The following ADAMTS9 variants were observed in gnomAD, a reference collection of about 807,000 sequenced individuals.
ADAMTS9 encodes the protein ADAM metallopeptidase with thrombospondin type 1 motif 9, also known as A disintegrin and metalloproteinase with thrombospondin motifs 9.
In ADAMTS9, 107 loss-of-function variants were observed where a neutral mutation model predicts 257.1. The ratio of observed to expected loss-of-function variants is 0.42; its 90% confidence interval spans 0.36 to 0.49. The LOEUF is 0.49. Ranked by LOEUF, ADAMTS9 falls within the 20% of genes least tolerant of loss-of-function variation. The pLI, the probability that ADAMTS9 is intolerant of heterozygous loss-of-function variation, is 0.03. For missense variants in ADAMTS9, 2,353 were observed against 2,469.1 expected, an observed-to-expected ratio of 0.95 and a Z score of 1.00; for synonymous variants, 982 against 880.9, an observed-to-expected ratio of 1.11 and a Z score of -2.03.
chr3:64,687,937 A>C lies in ADAMTS9; in HGVS notation c.-280T>G, dbSNP rs1701965354. 4 of 251,116 alleles carry C rather than the reference A, an allele frequency of 1.6e-5. No homozygotes were observed. The highest frequency in any genetic ancestry group is 2.3e-5 in the Non-Finnish European group (3 of 131,944). 15.6% of individuals were successfully genotyped at this position (251,116 alleles called of 1,614,324 possible). ...TGGGGCTCGGCTGCTTGGCCGCATA[A>C]TGCCCAGCGAGCGGGCAGGAGAAGG... On this transcript the variant is annotated 5_prime_UTR_variant, in exon 1 of 40. Transcript: ENST00000498707. The surrounding 1 kb of genome is among the most constrained non-coding windows in gnomAD (Gnocchi z 4.4).
intron 2 of ADAMTS9, among the ~76,000 whole-genome samples, chr3:64,685,658 C>T (rs1297632243): frequency 6.6e-6 from 1 of 152,192 alleles, no homozygotes; most frequent in Non-Finnish European, 1.5e-5. Flanking sequence ...GTCGGGGAAC[C>T]AACGTGGATT....
At chr3:64,591,335 G>A (rs1458253687) in intron 28 of ADAMTS9, among the ~76,000 whole-genome samples, 1 of 151,996 alleles carries the variant, frequency 6.6e-6, no homozygotes, top group Admixed American at 6.6e-5. Flanking sequence ...GGCTACTTGG[G>A]AGGCTGAGGC....
intron 10 of ADAMTS9, among the ~76,000 whole-genome samples, chr3:64,649,053 T>C (rs1700867365): frequency 6.6e-6 from 1 of 152,052 alleles, no homozygotes; most frequent in South Asian, 2.1e-4. Context: ...ACAGCTCTGC[T>C]CATCTGTAAC....
intron 16 of ADAMTS9, among the ~76,000 whole-genome samples, chr3:64,625,781 C>G (rs752072180): frequency 1.9e-4 from 29 of 152,118 alleles, no homozygotes; most frequent in Admixed American, 3.9e-4. Flanking sequence ...GCTCAAAATC[C>G]TTTGGAAGTC....
intron 3 of ADAMTS9, among the ~76,000 whole-genome samples, chr3:64,677,064 A>T (rs575526384): frequency 1.3e-5 from 2 of 152,290 alleles, no homozygotes; most frequent in East Asian, 3.9e-4. Flanking sequence ...GGAAACAAGC[A>T]ATGGGAAGGA....
chr3:64,687,794 C>T lies in ADAMTS9; in HGVS notation c.-137G>A. ...GCCGCCAACTTTTGACTTTAGGAGT[C>T]GCTGAGGTCTCGCTGCGAGGGTCCC... On this transcript the variant is annotated 5_prime_UTR_variant, in exon 1 of 40. Coordinates refer to ENST00000498707, the MANE Select transcript of ADAMTS9 (RefSeq NM_182920.2). The surrounding 1 kb of genome is among the most constrained non-coding windows in gnomAD (Gnocchi z 4.4). The T allele has an allele frequency of 1.7e-6, 1 of 605,112 alleles. No individual in the cohort carries two copies. Among genetic ancestry groups the T allele is most frequent in the South Asian group, 2.7e-5 (1 of 36,882 alleles). 37.5% of individuals were successfully genotyped at this position (605,112 alleles called of 1,614,324 possible).
chr3:64,683,187 G>C (rs11130978), intron 2 of ADAMTS9, among the ~76,000 whole-genome samples: 18,340 of 152,168 alleles, frequency 0.12, 2,081 homozygotes, highest in African/African-American at 0.28. Context: ...AAGCCTATCA[G>C]AGACATGAGT....
intron 37 of ADAMTS9, among the ~76,000 whole-genome samples, chr3:64,537,088 G>C (rs2083061144): frequency 6.6e-6 from 1 of 152,162 alleles, no homozygotes; most frequent in African/African-American, 2.4e-5. Context: ...AGTGTAGCTG[G>C]TGCTCAATAT....
chr3:64,603,979 T>C lies in ADAMTS9; in HGVS notation c.3690A>G (p.Ala1230=). The part of the protein sequence containing the change: ...SACATLPRPV[A]KEECSVTPCG... ...AGGGTGTCACAGAACATTCTTCCTT[T>C]GCCACTGGTCTAGGCAGGGTAGCAC... The change falls in exon 25 of 40, where the codon GCA becomes GCG. Residue 1230 remains alanine (A), a synonymous_variant. Coordinates refer to ENST00000498707, the MANE Select transcript of ADAMTS9 (RefSeq NM_182920.2). 3 of 1,614,064 alleles carry C rather than the reference T, an allele frequency of 1.9e-6. No individual in the cohort carries two copies. Among genetic ancestry groups the C allele is most frequent in the Non-Finnish European group, 2.5e-6 (3 of 1,179,984 alleles).
At chr3:64,664,717 C>T (rs1217807937) in intron 3 of ADAMTS9, among the ~76,000 whole-genome samples, 1 of 152,184 alleles carries the variant, frequency 6.6e-6, no homozygotes, top group Non-Finnish European at 1.5e-5. Flanking sequence ...TGAATAAGAA[C>T]ATTGCTGCTA....
intron 11 of ADAMTS9, among the ~76,000 whole-genome samples, chr3:64,643,358 A>G (rs973838101): frequency 1.3e-5 from 2 of 152,144 alleles, no homozygotes; most frequent in African/African-American, 4.8e-5. Context: ...AAACTAATAA[A>G]AAACTTAAAT....
intron 32 of ADAMTS9, 63 bp from the exon 33 acceptor site, chr3:64,542,033 G>A: frequency 6.2e-7 from 1 of 1,604,240 alleles, no homozygotes; most frequent in Non-Finnish European, 8.5e-7. Context: ...GCTTCTGGTG[G>A]TGTGGAGCTC....
chr3:64,534,277 G>T (rs920822353), intron 37 of ADAMTS9, among the ~76,000 whole-genome samples: 2 of 152,158 alleles, frequency 1.3e-5, no homozygotes, highest in Non-Finnish European at 2.9e-5. Flanking sequence ...TGGAACCTCA[G>T]TTTATTCATC....
At chr3:64,597,931 A>C (rs1213074698) in intron 26 of ADAMTS9, among the ~76,000 whole-genome samples, 2 of 152,192 alleles carry the variant, frequency 1.3e-5, no homozygotes, top group African/African-American at 2.4e-5. Flanking sequence ...TGCATTTGCA[A>C]GTATGTTGTT....
In ADAMTS9 at chr3:64,641,967, G is replaced by C; in HGVS notation, c.1737C>G (p.Pro579=). ...CTGTCACGGGGACATCCATTTCTTT[G>C]GGAACACAAAATCCATACTTGCAGT... ...GKHCKYGFCV[P]KEMDVPVTDG... Residue 579 remains proline, a synonymous_variant, in exon 12 of 40, where the codon CCC becomes CCG. Transcript: ENST00000498707. 1 of 1,614,060 alleles carries C rather than the reference G, an allele frequency of 6.2e-7. No individual in the cohort carries two copies. The highest frequency in any genetic ancestry group is 8.5e-7 in the Non-Finnish European group (1 of 1,180,012).
intron 28 of ADAMTS9, among the ~76,000 whole-genome samples, chr3:64,591,791 T>C (rs538745702): frequency 3.5e-4 from 54 of 152,302 alleles, no homozygotes; most frequent in African/African-American, 1.3e-3. Context: ...CATCATCTAA[T>C]GCATGGGAGT....
chr3:64,584,712 C>T (rs2084101765), intron 28 of ADAMTS9, among the ~76,000 whole-genome samples: 1 of 152,086 alleles, frequency 6.6e-6, no homozygotes, highest in African/African-American at 2.4e-5. Context: ...TCCCCTCATC[C>T]TGAGTCCCCA....
intron 2 of ADAMTS9, among the ~76,000 whole-genome samples, chr3:64,683,032 G>A (rs919128511): frequency 2.6e-5 from 4 of 152,182 alleles, no homozygotes; most frequent in Non-Finnish European, 5.9e-5. Context: ...TTTAAGAAAA[G>A]GGCAGCTCAG....
chr3:64,621,364 C>T, intron 18 of ADAMTS9, 124 bp from the exon 19 acceptor site: 1 of 1,122,126 alleles, frequency 8.9e-7, no homozygotes, highest in Non-Finnish European at 1.3e-6. Context: ...AGCGTATGAT[C>T]TCTGTTGCAC....
Sources: gnomAD v4.1 joint callset for allele counts (sites outside exome capture counted in the v4.1 genomes callset) on GRCh38, gnomAD v4.1.1 for gene constraint, Gnocchi (gnomAD v3.1) non-coding constraint, MANE v1.5 for transcripts, NCBI Gene and HGNC (gene_info 2026-07-23, HGNC 2026-07-21) for gene names.